Variants in NBPF15 observed in about 807,000 individuals in gnomAD.
The protein encoded by NBPF15 is NBPF member 15.
In NBPF15, 74 loss-of-function variants were observed where a neutral mutation model predicts 62.2. The ratio of observed to expected loss-of-function variants is 1.19; its 90% CI spans 0.99 to 1.44. The LOEUF (loss-of-function observed/expected upper bound fraction) is 1.44, where lower values mean the gene tolerates loss of function less well. Among genes scored for constraint, NBPF15 ranks in the 40% most tolerant of loss-of-function variants. NBPF15 has a pLI of 0.00. For synonymous variants in NBPF15, 244 were observed against 209.7 expected (o/e 1.16, Z -1.41); for missense variants, 790 against 550.0 (o/e 1.44, Z -4.36).
chr1:144,447,409 TACTC>T (rs1263075984), intron 6 of NBPF15, among the ~76,000 whole-genome samples: 2 of 151,698 alleles, frequency 1.3e-5, no homozygotes, highest in Non-Finnish European at 2.9e-5. Flanking sequence ...TATTGCCAGA[TACTC>T]AGTGCCAGAG....
At chr1:144,427,457 T>A (rs1248292352) in intron 16 of NBPF15, among the ~76,000 whole-genome samples, 1 of 149,932 alleles carries the variant, frequency 6.7e-6, no homozygotes, top group Non-Finnish European at 1.5e-5. Context: ...CTCAGATTGT[T>A]CATGGTAGCA....
chr1:144,444,507 C>A (rs1201501673), intron 6 of NBPF15, among the ~76,000 whole-genome samples: 1 of 151,632 alleles, frequency 6.6e-6, no homozygotes, highest in Admixed American at 6.6e-5. Flanking sequence ...TGTGATTTAG[C>A]AGGAGACAAG....
chr1:144,432,748 A>T (rs1675364223), intron 13 of NBPF15, among the ~76,000 whole-genome samples: 1 of 152,094 alleles, frequency 6.6e-6, no homozygotes, highest in African/African-American at 2.4e-5. Context: ...CAATTCAACA[A>T]GAGTTAACTA....
intron 4 of NBPF15, among the ~76,000 whole-genome samples, chr1:144,456,093 C>G (rs1647446182): frequency 6.6e-6 from 1 of 151,738 alleles, no homozygotes; most frequent in Non-Finnish European, 1.5e-5. Flanking sequence ...ACACATCTCC[C>G]CACCCAGGAC....
Position 144,423,163 on chromosome 1 carries a change from T to A in NBPF15, c.1863A>T (p.Gln621His), listed in dbSNP as rs1553538562. 1.2e-6 allele frequency: 2 copies of A among 1,611,546 alleles called. No individual in the cohort carries two copies. The highest frequency in any genetic ancestry group is 1.7e-5 in the Admixed American group (1 of 59,976). Residue 621 changes from glutamine (Q) to histidine (H), a missense_variant, in exon 22 of 22, where the codon CAA (glutamine) becomes CAT (histidine). Gln to His is a conservative substitution (Grantham distance 24, BLOSUM62 0). Transcript: ENST00000581897. ...CYSTPSMYFE[Q>H]PDSFQHYRSV... ...TTCTGTAGTGCTGGAATGAGTCAGG[T>A]TGTTCAAAGTACATTGACGGAGTCG...
intron 6 of NBPF15, among the ~76,000 whole-genome samples, chr1:144,441,989 C>A (rs1206240286): frequency 6.8e-6 from 1 of 148,148 alleles, no homozygotes; most frequent in South Asian, 2.1e-4. Flanking sequence ...GGGCGGGGAA[C>A]ATCACACACC....
intron 9 of NBPF15, among the ~76,000 whole-genome samples, 172 bp from the exon 10 acceptor site, chr1:144,437,281 G>C (rs1199908998): frequency 1.3e-5 from 2 of 151,718 alleles, no homozygotes; most frequent in African/African-American, 4.8e-5. Flanking sequence ...ATGGTTTACA[G>C]GCTTCCTCTG....
At chr1:144,431,997 G>T (rs1278681812) in intron 13 of NBPF15, among the ~76,000 whole-genome samples, 1 of 151,306 alleles carries the variant, frequency 6.6e-6, no homozygotes, top group Non-Finnish European at 1.5e-5. Context: ...TAATCATTTG[G>T]GTACACACCC....
chr1:144,437,052 C>A lies in NBPF15; in HGVS notation c.336G>T (p.Lys112Asn). The change falls in exon 10 of 22, where the codon AAG becomes AAT. Residue 112 changes from lysine (K) to asparagine (N), a missense_variant. Transcript: ENST00000581897. Reference protein sequence around the residue: ...QERELTQLREKLREGRDASRS... With the variant: ...QERELTQLRENLREGRDASRS... ...GGGAGGCATCTCTCCCTTCCCGTAACTTCTCCCTTAACTGGGTCAGCTCTC... is the reference window on the plus strand; with the variant it reads ...GGGAGGCATCTCTCCCTTCCCGTAAATTCTCCCTTAACTGGGTCAGCTCTC... 6.2e-7 allele frequency: 1 copy of A among 1,612,182 alleles called. No individual in the cohort carries two copies. Among genetic ancestry groups the A allele is most frequent in the Non-Finnish European group, 8.5e-7 (1 of 1,179,812 alleles).
At chr1:144,459,213 G>A (rs587673602) in intron 3 of NBPF15, among the ~76,000 whole-genome samples, 153 bp downstream of exon 3, 3 of 151,948 alleles carry the variant, frequency 2.0e-5, no homozygotes, top group Admixed American at 1.3e-4. Context: ...ATCTCAGGCT[G>A]GGTGCAGTGG....
chr1:144,426,562 T>A (rs202115126), intron 17 of NBPF15, 112 bp from the exon 18 acceptor site: 68,907 of 725,562 alleles, frequency 0.095, 9,262 homozygotes, highest in East Asian at 0.5. Flanking sequence ...AAAGGACGGA[T>A]CCATTAATGA....
At chr1:144,439,363 C>A (rs1358741562) in intron 8 of NBPF15, among the ~76,000 whole-genome samples, 21 of 152,126 alleles carry the variant, frequency 1.4e-4, no homozygotes, top group Middle Eastern at 3.4e-3. Context: ...CCCCTCAGAG[C>A]AGGTACTGGC....
chr1:144,427,955 T>A lies in NBPF15; in HGVS notation c.1076A>T (p.Glu359Val). ...SRELLDEKEPEVLQDSLDRCY... is the reference protein window; with the variant it reads ...SRELLDEKEPVVLQDSLDRCY... ...TCTATCCAGTGAGTCCTGCAAGACT[T>A]CAGGCTCTTTCTCATCCAGCAGCTC... Residue 359 changes from glutamate (E) to valine (V), a missense_variant, in exon 16 of 22, where the codon GAA becomes GTA. Coordinates refer to ENST00000581897, the MANE Select transcript of NBPF15 (RefSeq NM_001385408.1). 1.3e-6 allele frequency: 1 copy of A among 782,768 alleles called. No individual in the cohort carries two copies. 48.5% of individuals were successfully genotyped at this position (782,768 alleles called of 1,614,324 possible).
chr1:144,432,216 A>G (rs1162447231), intron 13 of NBPF15, among the ~76,000 whole-genome samples: 3 of 152,014 alleles, frequency 2.0e-5, no homozygotes, highest in Non-Finnish European at 4.4e-5. Context: ...ACAAAGCTTC[A>G]TAAGTGAAGG....
Position 144,428,000 on chromosome 1 carries a change from T to G in NBPF15, c.1041-10A>C, listed in dbSNP as rs2101731990. ...CAGCTCCCTGCTGAGCCTGGAAAAG[T>G]GGGAAAAAGTAAAGAATAAGCCAGG... On this transcript the variant is annotated splice_polypyrimidine_tract_variant and intron_variant, in intron 15 of 21. Coordinates refer to ENST00000581897, the MANE Select transcript of NBPF15 (RefSeq NM_001385408.1). The G allele has an allele frequency of 1.3e-6, 1 of 744,356 alleles. No individual in the cohort carries two copies. The highest frequency in any genetic ancestry group is 1.7e-5 in the African/African-American group (1 of 58,006). The allele number at this position is 744,356 out of a possible 1,614,324, so 46.1% of individuals were successfully genotyped here. A position where few individuals can be genotyped will look rare whatever the true frequency, so the allele number is the denominator to read the frequency against.
Position 144,427,868 on chromosome 1 carries a change from G to C in NBPF15, c.1163C>G (p.Ala388Gly). 1.5e-6 allele frequency: 1 copy of C among 673,334 alleles called. No individual in the cohort carries two copies. The highest frequency in any genetic ancestry group is 2.7e-6 in the Non-Finnish European group (1 of 369,508). The allele number at this position is 673,334 out of a possible 1,614,324, so 41.7% of individuals were successfully genotyped here. A position where few individuals can be genotyped will look rare whatever the true frequency, so the allele number is the denominator to read the frequency against. The change falls in exon 16 of 22, where the codon GCC (alanine) becomes GGC (glycine). Residue 388 changes from alanine (A) to glycine (G), a missense_variant. Coordinates refer to ENST00000581897, the MANE Select transcript of NBPF15 (RefSeq NM_001385408.1). ...ACGCTGTTGCTCCAATACGTAAAAG[G>C]CACTTCTGTAGGGCTGGCATGAGTC... is the stretch of plus-strand genomic sequence containing the variant. The part of the protein sequence containing the change: ...LTDSCQPYRS[A>G]FYVLEQQRVG...
intron 6 of NBPF15, chr1:144,440,523 T>C (rs1681988476): frequency 8.1e-6 from 3 of 368,432 alleles, no homozygotes; most frequent in African/African-American, 2.1e-5. Context: ...CCTCACTGTT[T>C]ATCTCTTGTC....
chr1:144,445,174 C>T (rs1340389398), intron 6 of NBPF15, among the ~76,000 whole-genome samples: 1 of 150,002 alleles, frequency 6.7e-6, no homozygotes, highest in Admixed American at 6.7e-5. Flanking sequence ...TCTGAAGTAT[C>T]TATTCAAGTC....
intron 6 of NBPF15, among the ~76,000 whole-genome samples, chr1:144,441,140 G>A (rs1221435593): frequency 3.3e-5 from 5 of 151,860 alleles, no homozygotes; most frequent in African/African-American, 1.2e-4. Flanking sequence ...CTGTGCATAA[G>A]TAACTATGAA....
Sources: gnomAD v4.1 joint callset for allele counts (sites outside exome capture counted in the v4.1 genomes callset) on GRCh38, gnomAD v4.1.1 for gene constraint, MANE v1.5 for transcripts, NCBI Gene and HGNC (gene_info 2026-07-23, HGNC 2026-07-21) for gene names.